Variants in FAM13C observed in about 807,000 individuals in gnomAD.
The protein encoded by FAM13C is protein FAM13C.
FAM13C carries 37 observed loss-of-function variants against 73.2 expected under a neutral mutation model. That is an observed-to-expected ratio of 0.51 (90% CI 0.39 to 0.67). The LOEUF is 0.67. FAM13C is among the 30% of genes least tolerant of loss of function. The pLI, the probability that FAM13C is intolerant of heterozygous loss-of-function variation, is 0.00. For synonymous variants in FAM13C, 246 were observed against 260.9 expected (o/e 0.94, Z 0.55); for missense variants, 589 against 715.6 (o/e 0.82, Z 2.02).
intron 3 of FAM13C, among the ~76,000 whole-genome samples, chr10:59,327,202 C>A (rs2134061728): frequency 6.6e-6 from 1 of 152,124 alleles, no homozygotes; most frequent in East Asian, 1.9e-4. Context: ...CCTTAGTTGA[C>A]CAGCTTTAAA....
intron 4 of FAM13C, among the ~76,000 whole-genome samples, chr10:59,317,019 T>G (rs1423030427): frequency 3.3e-5 from 5 of 152,158 alleles, no homozygotes; most frequent in African/African-American, 1.2e-4. Context: ...TATACATCTA[T>G]CTATCTAATC....
chr10:59,263,582 G>C (rs1842731555), intron 9 of FAM13C, among the ~76,000 whole-genome samples: 1 of 152,098 alleles, frequency 6.6e-6, no homozygotes, highest in Non-Finnish European at 1.5e-5. Flanking sequence ...ATGGATTTTA[G>C]AGTTAATACT....
chr10:59,330,064 TATTTG>T (rs1851768937), intron 3 of FAM13C, among the ~76,000 whole-genome samples: 1 of 152,240 alleles, frequency 6.6e-6, no homozygotes, highest in African/African-American at 2.4e-5. Context: ...AGTGTGGAAA[TATTTG>T]AATAAAATCA....
chr10:59,336,520 T>C (rs1298224316), intron 3 of FAM13C, among the ~76,000 whole-genome samples: 1 of 152,184 alleles, frequency 6.6e-6, no homozygotes, highest in Non-Finnish European at 1.5e-5. Flanking sequence ...TGGCTTCTTC[T>C]CTCAAGCCAA....
chr10:59,335,084 T>C (rs1346806737), intron 3 of FAM13C, among the ~76,000 whole-genome samples: 1 of 152,160 alleles, frequency 6.6e-6, no homozygotes, highest in Non-Finnish European at 1.5e-5. Context: ...GTGGCCAACT[T>C]TCATTTTATC....
At position 59,354,658 on chromosome 10, in the gene FAM13C, A is replaced by T. The variant is rs552726002; in HGVS notation, c.119+1229T>A. 3.3e-5 allele frequency among the ~76,000 whole-genome samples: 5 copies of T among 152,226 alleles called. No homozygotes were observed. In the South Asian group the frequency reaches 1.0e-3, roughly 32 times the overall value. Reference sequence around the variant, plus strand: ...AACCCAATAAATGAAAGCTATTGTTACTCTCAGGCAGGGCCTTAGCCATGT... The same window carrying T: ...AACCCAATAAATGAAAGCTATTGTTTCTCTCAGGCAGGGCCTTAGCCATGT... On this transcript the variant is annotated intron_variant, in intron 2 of 13. Coordinates refer to ENST00000618804, the MANE Select transcript of FAM13C (RefSeq NM_198215.4).
chr10:59,248,899 A>C (rs1055090416), intron 13 of FAM13C, among the ~76,000 whole-genome samples: 1 of 152,194 alleles, frequency 6.6e-6, no homozygotes, highest in African/African-American at 2.4e-5. Flanking sequence ...ATCCATAGAC[A>C]GCATTCTTCT....
intron 13 of FAM13C, chr10:59,251,281 TTAAA>T: frequency 2.4e-6 from 1 of 410,498 alleles, no homozygotes; most frequent in Non-Finnish European, 4.3e-6. Flanking sequence ...TTTTAAAGGT[TTAAA>T]TAAATTCATT....
chr10:59,261,712 C>T (rs1394329865), intron 10 of FAM13C, among the ~76,000 whole-genome samples: 4 of 152,194 alleles, frequency 2.6e-5, no homozygotes, highest in South Asian at 2.1e-4. Context: ...AAGTCAATCA[C>T]GCCAGTCTTA....
intron 3 of FAM13C, among the ~76,000 whole-genome samples, chr10:59,340,209 T>G (rs1853310954): frequency 6.7e-6 from 1 of 149,116 alleles, no homozygotes; most frequent in Non-Finnish European, 1.5e-5. Context: ...TTACTGAATT[T>G]TCTGATTAAA....
At chr10:59,307,506 A>T (rs1848396957) in intron 4 of FAM13C, among the ~76,000 whole-genome samples, 1 of 152,180 alleles carries the variant, frequency 6.6e-6, no homozygotes. Context: ...TAGCATTATT[A>T]TATCTATTTC....
At chr10:59,268,796 AG>A (rs1441019976) in intron 7 of FAM13C, 105 bp from the exon 8 acceptor site, 36 of 1,376,984 alleles carry the variant, frequency 2.6e-5, no homozygotes, top group Non-Finnish European at 3.3e-5. Flanking sequence ...AGAAGTCCAG[AG>A]GGAAGTTCAT....
At chr10:59,344,184 G>A (rs1283743854) in intron 3 of FAM13C, among the ~76,000 whole-genome samples, 3 of 151,272 alleles carry the variant, frequency 2.0e-5, no homozygotes, top group African/African-American at 2.4e-5. Context: ...GGATGGTCTC[G>A]ATTTCCTGAC....
At chr10:59,312,021 G>A (rs971446672) in intron 4 of FAM13C, among the ~76,000 whole-genome samples, 26 of 151,892 alleles carry the variant, frequency 1.7e-4, no homozygotes, top group African/African-American at 6.0e-4. Context: ...GGAGCTTACA[G>A]TTGGGGGAAA....
chr10:59,349,713 T>C (rs774747674), intron 3 of FAM13C, among the ~76,000 whole-genome samples: 1 of 152,124 alleles, frequency 6.6e-6, no homozygotes, highest in Non-Finnish European at 1.5e-5. Flanking sequence ...CAGTGAGCCA[T>C]GATCACACCA....
In FAM13C at chr10:59,286,534, T is replaced by TATAC. The variant is rs765037854; in HGVS notation, c.508-3088_508-3087insGTAT. The stretch of plus-strand genomic sequence containing the variant: ...CATCTCAAATATATATATATATATA[T>TATAC]ATATATATTCATCATACAGAAAGTA... On this transcript the variant is annotated intron_variant, in intron 5 of 13. Transcript: ENST00000618804. Among the ~76,000 whole-genome samples the TATAC allele has an allele frequency of 5.5e-3, 787 of 141,964 alleles. 30 individuals are homozygous for TATAC. Among genetic ancestry groups the TATAC allele is most frequent in the Non-Finnish European group, 8.7e-3 (567 of 65,148 alleles). 93.1% of individuals were successfully genotyped at this position (141,964 alleles called of 152,430 possible).
chr10:59,360,574 T>C (rs1471666149), intron 1 of FAM13C, among the ~76,000 whole-genome samples: 1 of 152,122 alleles, frequency 6.6e-6, no homozygotes, highest in Non-Finnish European at 1.5e-5. Flanking sequence ...GTCATATTAC[T>C]GAGGTGAGGG....
chr10:59,293,727 C>T (rs1392954099), intron 5 of FAM13C, among the ~76,000 whole-genome samples: 1 of 152,112 alleles, frequency 6.6e-6, no homozygotes, highest in South Asian at 2.1e-4. Flanking sequence ...CCAGATGTCC[C>T]GACTTGATAT....
In FAM13C at chr10:59,299,679, T is replaced by G. The variant is rs138028888; in HGVS notation, c.507+3122A>C. On this transcript the variant is annotated intron_variant, in intron 5 of 13. Coordinates refer to ENST00000618804, the MANE Select transcript of FAM13C (RefSeq NM_198215.4). ...AGTACCTTTCTGATCTATTGAATGC[T>G]TATGATTACATGGACTGGCAGACTG... Among the ~76,000 whole-genome samples the G allele has an allele frequency of 2.9e-3, 447 of 152,310 alleles. 2 individuals are homozygous for G. The highest frequency in any genetic ancestry group is 4.3e-3 in the Non-Finnish European group (295 of 68,028).
Sources: gnomAD v4.1 joint callset for allele counts (sites outside exome capture counted in the v4.1 genomes callset) on GRCh38, gnomAD v4.1.1 for gene constraint, MANE v1.5 for transcripts, NCBI Gene and HGNC (gene_info 2026-07-23, HGNC 2026-07-21) for gene names.